The following MEF2A variants were observed in gnomAD, a reference collection of about 807,000 sequenced individuals.
MEF2A encodes the protein myocyte enhancer factor 2A.
Under a neutral mutation model 55.8 loss-of-function variants are expected in MEF2A, and 28 were observed. The observed-to-expected ratio is 0.50, with a 90% CI of 0.37 to 0.69. The LOEUF is 0.69. Among genes scored for constraint, MEF2A ranks in the 30% least tolerant of loss-of-function variants. The probability of loss-of-function intolerance (pLI) is 0.00; values close to 1 mark genes in which losing one functional copy is unlikely to be tolerated. For missense variants in MEF2A, 528 were observed against 626.2 expected (o/e 0.84, Z 1.67); for synonymous variants, 239 against 227.1 (o/e 1.05, Z -0.47).
chr15:99,680,510 T>C (rs1188159570), intron 7 of MEF2A, among the ~76,000 whole-genome samples: 2 of 152,212 alleles, frequency 1.3e-5, no homozygotes, highest in Non-Finnish European at 2.9e-5. Flanking sequence ...CAAGAGGTTT[T>C]AGTTGTCATA....
At chr15:99,602,804 G>A (rs952480484) in intron 2 of MEF2A, among the ~76,000 whole-genome samples, 5 of 148,810 alleles carry the variant, frequency 3.4e-5, no homozygotes, top group Non-Finnish European at 4.5e-5. Flanking sequence ...GTGTGTAGGG[G>A]TGGGGAGCTT....
At chr15:99,599,956 G>C (rs1972431314) in intron 2 of MEF2A, among the ~76,000 whole-genome samples, 1 of 152,106 alleles carries the variant, frequency 6.6e-6, no homozygotes, top group Admixed American at 6.5e-5. Flanking sequence ...TATGTAGGTT[G>C]TATGCAAATA....
At chr15:99,698,249 T>C (rs555429415) in intron 8 of MEF2A, among the ~76,000 whole-genome samples, 3 of 152,182 alleles carry the variant, frequency 2.0e-5, no homozygotes, top group Non-Finnish European at 4.4e-5. Flanking sequence ...ACCTACAGAT[T>C]AGAAGAAGGT....
chr15:99,698,754 T>C (rs1213823250), intron 8 of MEF2A, among the ~76,000 whole-genome samples: 1 of 151,470 alleles, frequency 6.6e-6, no homozygotes, highest in East Asian at 1.9e-4. Flanking sequence ...ATCATACCAT[T>C]GCACTCCAGC....
chr15:99,678,706 C>T, intron 7 of MEF2A: 4 of 979,644 alleles, frequency 4.1e-6, no homozygotes, highest in Non-Finnish European at 4.9e-6. Context: ...TGAACGAACT[C>T]AGGAAAGGCA....
intron 2 of MEF2A, among the ~76,000 whole-genome samples, chr15:99,604,283 T>G (rs773211379): frequency 6.6e-6 from 1 of 152,190 alleles, no homozygotes; most frequent in Non-Finnish European, 1.5e-5. Flanking sequence ...TAATTTTAGT[T>G]ATATATTTGA....
At chr15:99,688,941 G>A (rs1000455715) in intron 7 of MEF2A, among the ~76,000 whole-genome samples, 2 of 152,058 alleles carry the variant, frequency 1.3e-5, no homozygotes, top group African/African-American at 2.4e-5. Flanking sequence ...GTTCATCTGG[G>A]GGCTGGAGGG....
chr15:99,669,858 T>C (rs2050508474), intron 4 of MEF2A, among the ~76,000 whole-genome samples: 1 of 152,260 alleles, frequency 6.6e-6, no homozygotes, highest in South Asian at 2.1e-4. Flanking sequence ...TAAGATCTGC[T>C]ATGAAATAAT....
chr15:99,606,581 T>C (rs1975215047), intron 2 of MEF2A, among the ~76,000 whole-genome samples: 1 of 151,860 alleles, frequency 6.6e-6, no homozygotes. Context: ...ACATGAAAAA[T>C]ACTTCACAAA....
At chr15:99,671,479 C>G (rs747493719) in intron 5 of MEF2A, 25 bp downstream of exon 5, 1 of 1,613,808 alleles carries the variant, frequency 6.2e-7, no homozygotes, top group South Asian at 1.1e-5. Context: ...TTTACCTCTA[C>G]TTTTTATTTG....
At chr15:99,608,262 A>T (rs1368389587) in intron 2 of MEF2A, among the ~76,000 whole-genome samples, 2 of 152,220 alleles carry the variant, frequency 1.3e-5, no homozygotes, top group African/African-American at 2.4e-5. Flanking sequence ...AAATTTAGTT[A>T]ATTTCACTGT....
At chr15:99,705,129 T>C (rs1314932892) in intron 9 of MEF2A, among the ~76,000 whole-genome samples, 1 of 152,232 alleles carries the variant, frequency 6.6e-6, no homozygotes, top group Non-Finnish European at 1.5e-5. Context: ...TGGATGACTC[T>C]GATCCGAAGT....
chr15:99,625,908 G>A (rs1449506400), intron 2 of MEF2A, among the ~76,000 whole-genome samples: 1 of 151,918 alleles, frequency 6.6e-6, no homozygotes, highest in Non-Finnish European at 1.5e-5. Flanking sequence ...CTATTCATAG[G>A]GTATATTGGT....
intron 4 of MEF2A, among the ~76,000 whole-genome samples, chr15:99,669,781 C>T (rs549511784): frequency 1.6e-4 from 24 of 152,156 alleles, no homozygotes; most frequent in Non-Finnish European, 3.4e-4. Context: ...TTATGTTCTA[C>T]TTCATTCAAG....
chr15:99,697,710 T>C (rs946801661), intron 8 of MEF2A, among the ~76,000 whole-genome samples: 14 of 152,206 alleles, frequency 9.2e-5, no homozygotes, highest in African/African-American at 2.9e-4. Context: ...AGCTCTTTTG[T>C]AGTTACTAAC....
At chr15:99,603,639 G>C (rs1326502482) in intron 2 of MEF2A, among the ~76,000 whole-genome samples, 4 of 151,314 alleles carry the variant, frequency 2.6e-5, no homozygotes, top group Non-Finnish European at 5.9e-5. Context: ...GACCTCAAGT[G>C]ATCTGTCTGC....
intron 7 of MEF2A, chr15:99,681,983 G>A (rs2153681720): frequency 6.6e-6 from 1 of 152,308 alleles, no homozygotes; most frequent in Non-Finnish European, 1.5e-5. Flanking sequence ...TCAGCTGAAT[G>A]TCAAATTTTA....
intron 4 of MEF2A, among the ~76,000 whole-genome samples, chr15:99,662,319 T>C (rs148123886): frequency 1.3e-3 from 198 of 152,308 alleles, no homozygotes; most frequent in Non-Finnish European, 2.1e-3. Context: ...TTTTAAAAAT[T>C]GTTTTTATGT....
intron 10 of MEF2A, among the ~76,000 whole-genome samples, chr15:99,708,567 C>T (rs914772727): frequency 3.3e-5 from 5 of 152,228 alleles, no homozygotes; most frequent in South Asian, 2.1e-4. Flanking sequence ...TTCTCTTTCT[C>T]GTAACACTTA....
Sources: allele counts gnomAD v4.1 joint callset (sites outside exome capture counted in the v4.1 genomes callset), GRCh38; gene constraint gnomAD v4.1.1; transcripts MANE v1.5; gene names NCBI Gene and HGNC (gene_info 2026-07-23, HGNC 2026-07-21).